Variants in DPP6 observed in about 807,000 individuals in gnomAD.
DPP6 encodes A-type potassium channel modulatory protein DPP6.
Under a neutral mutation model 122.6 loss-of-function variants are expected in DPP6, and 69 were observed. The ratio of observed to expected loss-of-function variants is 0.56; its 90% confidence interval spans 0.46 to 0.69. The LOEUF is 0.69. Among genes scored for constraint, DPP6 ranks in the 30% least tolerant of loss-of-function variants. The pLI is 0.00. For missense variants in DPP6, 928 were observed against 1,116.9 expected (o/e 0.83, Z 2.41); for synonymous variants, 418 against 433.1 (o/e 0.97, Z 0.43).
At chr7:154,522,014 G>C (rs1283496259) in intron 3 of DPP6, among the ~76,000 whole-genome samples, 2 of 152,020 alleles carry the variant, frequency 1.3e-5, no homozygotes, top group Non-Finnish European at 2.9e-5. Context: ...CCGCAGGCTG[G>C]AGTGCAGTGG....
intron 1 of DPP6, among the ~76,000 whole-genome samples, chr7:153,993,385 G>A (rs895325748): frequency 2.0e-5 from 3 of 152,144 alleles, no homozygotes; most frequent in African/African-American, 7.2e-5. Context: ...TATTTCACCT[G>A]AATAAAAAAA....
chr7:153,851,683 C>G, the DPP6 span, among the ~76,000 whole-genome samples: 21 of 152,106 alleles, frequency 1.4e-4, no homozygotes, highest in African/African-American at 2.4e-5. Flanking sequence ...TAGATTTATT[C>G]TCCAAGATCT....
At chr7:153,932,278 G>T (rs1234326527) in intron 1 of DPP6, among the ~76,000 whole-genome samples, 2 of 151,938 alleles carry the variant, frequency 1.3e-5, no homozygotes, top group Non-Finnish European at 2.9e-5. Context: ...GTGCCACCAC[G>T]CCTGGCTAAT....
chr7:154,400,043 A>T (rs565740909), intron 1 of DPP6, among the ~76,000 whole-genome samples: 4 of 152,228 alleles, frequency 2.6e-5, no homozygotes, highest in African/African-American at 9.6e-5. Flanking sequence ...AGGAGCATAG[A>T]GTCTTGCTGG....
At chr7:153,798,267 C>T in the DPP6 span, among the ~76,000 whole-genome samples, 8 of 152,310 alleles carry the variant, frequency 5.3e-5, no homozygotes, top group South Asian at 4.1e-4. Flanking sequence ...ATTCAATATA[C>T]AAATTTTAGG....
At chr7:154,269,184 A>C (rs537397286) in intron 1 of DPP6, among the ~76,000 whole-genome samples, 1 of 152,054 alleles carries the variant, frequency 6.6e-6, no homozygotes, top group East Asian at 1.9e-4. Flanking sequence ...CGTAATTTTC[A>C]TTCTCTATAA....
intron 1 of DPP6, among the ~76,000 whole-genome samples, chr7:154,113,840 A>G (rs374969614): frequency 6.6e-6 from 1 of 152,128 alleles, no homozygotes; most frequent in Non-Finnish European, 1.5e-5. Flanking sequence ...AGAGACTGTT[A>G]TTTTCCCATC....
chr7:154,416,502 T>TA (rs758058010), intron 1 of DPP6, among the ~76,000 whole-genome samples: 35 of 152,340 alleles, frequency 2.3e-4, no homozygotes, highest in Admixed American at 7.8e-4. Flanking sequence ...TACATTGTTA[T>TA]ACATGTTCTA....
chr7:153,906,784 C>T (rs1266299168), intron 1 of DPP6, among the ~76,000 whole-genome samples: 1 of 152,162 alleles, frequency 6.6e-6, no homozygotes, highest in Non-Finnish European at 1.5e-5. Context: ...CGAGCAATTT[C>T]ACTAAGGATA....
the DPP6 span, among the ~76,000 whole-genome samples, chr7:153,863,423 C>CA: frequency 6.6e-6 from 1 of 152,096 alleles, no homozygotes. Flanking sequence ...ACAAACCTTC[C>CA]AAGTGCAAAA....
chr7:154,356,965 A>G (rs553197477), intron 1 of DPP6, among the ~76,000 whole-genome samples: 1 of 152,270 alleles, frequency 6.6e-6, no homozygotes, highest in Admixed American at 6.5e-5. Context: ...TCTAGACAAT[A>G]TTACATTGAA....
intron 17 of DPP6, among the ~76,000 whole-genome samples, chr7:154,856,195 T>C (rs886488717): frequency 2.6e-5 from 4 of 152,276 alleles, no homozygotes; most frequent in Admixed American, 2.6e-4. Context: ...TGGCTCTTCT[T>C]ACAAAAGTCA....
intron 1 of DPP6, among the ~76,000 whole-genome samples, chr7:153,920,987 C>G (rs796740599): frequency 1.3e-5 from 2 of 152,228 alleles, no homozygotes; most frequent in African/African-American, 4.8e-5. Flanking sequence ...TCTACCCACA[C>G]GATCCTGAAG....
At chr7:154,407,501 C>T (rs527456225) in intron 1 of DPP6, among the ~76,000 whole-genome samples, 1 of 152,244 alleles carries the variant, frequency 6.6e-6, no homozygotes, top group African/African-American at 2.4e-5. Flanking sequence ...TTCGCTACAA[C>T]GATTTTGCCA....
the DPP6 span, among the ~76,000 whole-genome samples, chr7:153,760,097 T>G: frequency 6.6e-6 from 1 of 152,218 alleles, no homozygotes; most frequent in Non-Finnish European, 1.5e-5. Context: ...TTGCTCATTT[T>G]TAAATTTATC....
intron 1 of DPP6, among the ~76,000 whole-genome samples, chr7:154,206,544 A>G (rs1799459834): frequency 6.6e-6 from 1 of 152,226 alleles, no homozygotes; most frequent in Non-Finnish European, 1.5e-5. Flanking sequence ...AAGCCCGTAT[A>G]GCTGAGTCAC....
chr7:154,319,945 C>G (rs1275247386), intron 1 of DPP6, among the ~76,000 whole-genome samples: 2 of 150,332 alleles, frequency 1.3e-5, no homozygotes, highest in Non-Finnish European at 3.0e-5. Context: ...GAGCCGAGAT[C>G]ACACCACTGT....
rs1284774285 is a variant in DPP6 at position 154,063,488 on chromosome 7, TC to T, written c.243+10432del. ...GCAGGGACTGAGAGCCATTCCCTCT[TC>T]CCCCCCTGGCTCTTAAGACCCCCAT... On this transcript the variant is annotated intron_variant, in intron 1 of 25. Coordinates refer to ENST00000377770, the MANE Select transcript of DPP6 (RefSeq NM_130797.4). Among the ~76,000 whole-genome samples, 23 of 111,284 alleles carry T rather than the reference TC, an allele frequency of 2.1e-4. 1 individual carries two copies. In the South Asian group the frequency reaches 5.2e-3, roughly 25 times the overall value. 73.0% of individuals were successfully genotyped at this position (111,284 alleles called of 152,430 possible).
At chr7:154,040,845 T>C (rs3864484) in intron 1 of DPP6, among the ~76,000 whole-genome samples, 69,542 of 144,772 alleles carry the variant, frequency 0.48, 17,483 homozygotes, top group African/African-American at 0.61. Flanking sequence ...TGCAGCTCTT[T>C]CCTCCTGCCC....
Sources: gnomAD v4.1 joint callset for allele counts (sites outside exome capture counted in the v4.1 genomes callset) on GRCh38, gnomAD v4.1.1 for gene constraint, MANE v1.5 for transcripts, NCBI Gene and HGNC (gene_info 2026-07-23, HGNC 2026-07-21) for gene names.